CAMKK2: variants seen among roughly 807,000 people sequenced by gnomAD.
CAMKK2 encodes the protein calcium/calmodulin-dependent protein kinase kinase 2.
In CAMKK2, 30 loss-of-function variants were observed where a neutral mutation model predicts 67.2. That is an observed-to-expected ratio of 0.45 (90% CI 0.33 to 0.61). The LOEUF (loss-of-function observed/expected upper bound fraction) is 0.61. CAMKK2 is among the 20% of genes least tolerant of loss of function. The pLI, the probability that CAMKK2 is intolerant of heterozygous loss-of-function variation, is 0.02. For synonymous variants in CAMKK2, 322 were observed against 326.2 expected, an observed-to-expected ratio of 0.99 and a Z score of 0.14; for missense variants, 643 against 802.0, an observed-to-expected ratio of 0.80 and a Z score of 2.39.
At chr12:121,260,276 G>A in intron 7 of CAMKK2, 43 bp downstream of exon 7, 1 of 1,559,670 alleles carries the variant, frequency 6.4e-7, no homozygotes. Flanking sequence ...ATTGGCAGGT[G>A]TGGTGCCTGG....
intron 1 of CAMKK2, among the ~76,000 whole-genome samples, chr12:121,279,595 G>C (rs78772517): frequency 0.053 from 8,117 of 152,338 alleles, 320 homozygotes; most frequent in Non-Finnish European, 0.076. Flanking sequence ...CTCTGCCAGG[G>C]AAGGACAGTG....
rs575127074 is a variant in CAMKK2 at position 121,287,529 on chromosome 12, G to A, written c.-60+9109C>T. ...GCCCTGCAGCCCAGTGACCCTTGAG[G>A]CCCTGGATACTCACAGAGTAAGCAG... On this transcript the variant is annotated intron_variant, in intron 1 of 16. Transcript: ENST00000404169. 2.0e-5 allele frequency among the ~76,000 whole-genome samples: 3 copies of A among 152,226 alleles called. No individual in the cohort carries two copies. The South Asian group carries it at 6.2e-4, about 32-fold the overall frequency.
At position 121,274,191 on chromosome 12, in the gene CAMKK2, A is replaced by G; in HGVS notation, c.336T>C (p.Gly112=). The change falls in exon 2 of 17, where the codon GGT becomes GGC. Residue 112 remains glycine, a synonymous_variant. Transcript: ENST00000404169. ...QERSQGGLAA[G]GSLDMNGRCI... is the part of the protein sequence containing the mutation. ...AGCGTCCGTTCATGTCCAGGCTGCC[A>G]CCGGCTGCCAGCCCACCCTGGGACC... 6.2e-7 allele frequency: 1 copy of G among 1,601,266 alleles called. No homozygotes were observed.
At position 121,270,966 on chromosome 12, in the gene CAMKK2, C is replaced by T. The variant is rs914694824; in HGVS notation, c.472-21G>A. On this transcript the variant is annotated intron_variant, in intron 2 of 16. Coordinates refer to ENST00000404169, the MANE Select transcript of CAMKK2 (RefSeq NM_001270485.2). ...CAGTCCTAGAGAGTAAGGAGAGACA[C>T]GTGCAAAATGAATTTTAAGTTTGCA... 12 of 1,609,484 alleles carry T rather than the reference C, an allele frequency of 7.5e-6. No homozygotes were observed. In the African/African-American group the frequency reaches 8.0e-5, roughly 11 times the overall value.
At chr12:121,247,280 T>C (rs1889680371) in intron 14 of CAMKK2, among the ~76,000 whole-genome samples, 1 of 152,012 alleles carries the variant, frequency 6.6e-6, no homozygotes, top group Admixed American at 6.5e-5. Flanking sequence ...AGCATCTGCC[T>C]CTCAAGCATG....
At chr12:121,246,230 C>T (rs556072944) in intron 14 of CAMKK2, among the ~76,000 whole-genome samples, 1 of 132,716 alleles carries the variant, frequency 7.5e-6, no homozygotes, top group East Asian at 2.2e-4. Context: ...TATGTGAATT[C>T]TACCTCAATT....
chr12:121,274,212 G>A lies in CAMKK2; in HGVS notation c.315C>T (p.Ser105=). 1 of 1,605,468 alleles carries A rather than the reference G, an allele frequency of 6.2e-7. No homozygotes were observed. The highest frequency in any genetic ancestry group is 2.2e-5 in the East Asian group (1 of 44,598). ...TGCCACCGGCTGCCAGCCCACCCTGGGACCGCTCTTGCAGAGACAGCTTGC... is the reference window on the plus strand; with the variant it reads ...TGCCACCGGCTGCCAGCCCACCCTGAGACCGCTCTTGCAGAGACAGCTTGC... ...SGRKLSLQER[S]QGGLAAGGSL... is the part of the protein sequence containing the mutation. Residue 105 remains serine, a synonymous_variant, in exon 2 of 17, where the codon TCC becomes TCT. Coordinates refer to ENST00000404169, the MANE Select transcript of CAMKK2 (RefSeq NM_001270485.2).
At position 121,285,346 on chromosome 12, in the gene CAMKK2, T is replaced by G. The variant is rs1898515452; in HGVS notation, c.-59-10761A>C. On this transcript the variant is annotated intron_variant, in intron 1 of 16. Transcript: ENST00000404169. This position sits in a 1 kb window ranked among gnomAD's most constrained non-coding sequence, Gnocchi z 4.1. ...GGTGAAACTCCACCTCTACTATAAA[T>G]ACAGAAATTAGCCAGGTATGGTGGC... Among the ~76,000 whole-genome samples, 2 of 151,974 alleles carry G rather than the reference T, an allele frequency of 1.3e-5. No individual in the cohort carries two copies. Among genetic ancestry groups the G allele is most frequent in the South Asian group, 4.2e-4 (2 of 4,818 alleles).
chr12:121,257,822 G>C (rs906097969), intron 7 of CAMKK2, among the ~76,000 whole-genome samples: 1 of 152,026 alleles, frequency 6.6e-6, no homozygotes, highest in African/African-American at 2.4e-5. Context: ...TCCTGCCTTG[G>C]TTATTTAAGT....
chr12:121,277,539 TA>T (rs1897036659), intron 1 of CAMKK2, among the ~76,000 whole-genome samples: 1 of 152,022 alleles, frequency 6.6e-6, no homozygotes, highest in South Asian at 2.1e-4. Flanking sequence ...CAGAATACTA[TA>T]CAGCCACAAA....
chr12:121,273,218 G>A (rs1896107542), intron 2 of CAMKK2, among the ~76,000 whole-genome samples: 1 of 152,088 alleles, frequency 6.6e-6, no homozygotes, highest in Non-Finnish European at 1.5e-5. Context: ...AGGTGATACT[G>A]GAGTTGAGAC....
chr12:121,276,407 G>C (rs1416350956), intron 1 of CAMKK2, among the ~76,000 whole-genome samples: 2 of 152,178 alleles, frequency 1.3e-5, no homozygotes, highest in Admixed American at 1.3e-4. Flanking sequence ...GGTGAAGGTT[G>C]CAATGACTGA....
intron 1 of CAMKK2, among the ~76,000 whole-genome samples, chr12:121,289,163 G>A (rs889362971): frequency 6.6e-6 from 1 of 151,910 alleles, no homozygotes; most frequent in Non-Finnish European, 1.5e-5. Flanking sequence ...CACCTCCTGG[G>A]CCTCCTTCCA....
intron 1 of CAMKK2, among the ~76,000 whole-genome samples, chr12:121,282,307 C>T (rs1262522194): frequency 1.3e-5 from 2 of 152,018 alleles, no homozygotes; most frequent in African/African-American, 4.8e-5. Context: ...ATGATGATGA[C>T]GAGAGGGCAG....
At chr12:121,286,549 ATTTGG>A (rs1433689543) in intron 1 of CAMKK2, among the ~76,000 whole-genome samples, 1 of 151,430 alleles carries the variant, frequency 6.6e-6, no homozygotes, top group Non-Finnish European at 1.5e-5. Context: ...GTTTGGTTTG[ATTTGG>A]TTTGGTTGAG....
At chr12:121,262,511 CA>C (rs1252744350) in intron 6 of CAMKK2, among the ~76,000 whole-genome samples, 169 of 137,994 alleles carry the variant, frequency 1.2e-3, no homozygotes, top group Admixed American at 1.5e-3. Flanking sequence ...GACTCCGTCT[CA>C]AAAAAAAAAA....
At chr12:121,274,788 ATTTTTTCTTT>A (rs1245874048) in intron 1 of CAMKK2, among the ~76,000 whole-genome samples, 5 of 139,760 alleles carry the variant, frequency 3.6e-5, no homozygotes, top group Admixed American at 7.2e-5. Flanking sequence ...TTCTTTTATT[ATTTTTTCTTT>A]TTTTTTCTTT....
At chr12:121,257,393 C>A (rs1382912430) in intron 7 of CAMKK2, among the ~76,000 whole-genome samples, 1 of 152,012 alleles carries the variant, frequency 6.6e-6, no homozygotes, top group Non-Finnish European at 1.5e-5. Context: ...ACTACAGGCA[C>A]CTGCCACCAC....
At chr12:121,293,706 T>C (rs1183413398) in intron 1 of CAMKK2, among the ~76,000 whole-genome samples, 2 of 151,538 alleles carry the variant, frequency 1.3e-5, no homozygotes, top group African/African-American at 2.4e-5. Flanking sequence ...CCCCACCCTA[T>C]CCCCTTCCCC....
Sources: allele counts gnomAD v4.1 joint callset (sites outside exome capture counted in the v4.1 genomes callset), GRCh38; gene constraint gnomAD v4.1.1; non-coding constraint Gnocchi (gnomAD v3.1); transcripts MANE v1.5; gene names NCBI Gene and HGNC (gene_info 2026-07-23, HGNC 2026-07-21).